LCLAT1: variants seen among roughly 807,000 people sequenced by gnomAD.
LCLAT1 encodes 1-AGP acyltransferase 8.
A neutral mutation model predicts 30.7 loss-of-function variants in LCLAT1; 11 were observed. The observed-to-expected ratio is 0.36, with a 90% CI of 0.23 to 0.59. The LOEUF (loss-of-function observed/expected upper bound fraction) is 0.59, where lower values mean the gene tolerates loss of function less well. Among genes scored for constraint, LCLAT1 ranks in the 20% least tolerant of loss-of-function variants. The pLI is 0.77. For synonymous variants in LCLAT1, 155 were observed against 151.3 expected (o/e 1.02, Z -0.18); for missense variants, 402 against 458.6 (o/e 0.88, Z 1.13).
Position 30,640,690 on chromosome 2 carries a change from T to A in LCLAT1, c.*71T>A, listed in dbSNP as rs2148541178. ...TGTTCTAAACCTTTCTAAGCTCAGA[T>A]GCATTTTTGCATGACTATGTCGAAT... On this transcript the variant is annotated 3_prime_UTR_variant, in exon 6 of 6. Coordinates refer to ENST00000379509, the MANE Select transcript of LCLAT1 (RefSeq NM_001002257.3). The A allele has an allele frequency of 3.4e-6, 5 of 1,491,760 alleles. No homozygotes were observed. In the South Asian group the frequency reaches 6.9e-5, roughly 21 times the overall value. 92.4% of individuals were successfully genotyped at this position (1,491,760 alleles called of 1,614,324 possible). A position where few individuals can be genotyped will look rare whatever the true frequency, so the allele number is the denominator to read the frequency against.
chr2:30,593,123 T>C (rs1024623663), intron 5 of LCLAT1, among the ~76,000 whole-genome samples: 1 of 152,178 alleles, frequency 6.6e-6, no homozygotes, highest in Non-Finnish European at 1.5e-5. Context: ...CTCCATGAGA[T>C]CCACTTTTTT....
intron 5 of LCLAT1, among the ~76,000 whole-genome samples, chr2:30,569,553 A>G (rs948598800): frequency 2.6e-5 from 4 of 152,202 alleles, no homozygotes; most frequent in Non-Finnish European, 4.4e-5. Flanking sequence ...ATATATTTTC[A>G]TAAAACTGTT....
intron 3 of LCLAT1, among the ~76,000 whole-genome samples, chr2:30,533,781 A>G (rs1041973308): frequency 6.6e-6 from 1 of 152,160 alleles, no homozygotes; most frequent in Non-Finnish European, 1.5e-5. Context: ...ACTTTTTTTA[A>G]AAAATGTTTT....
At chr2:30,611,364 A>G (rs981450822) in intron 5 of LCLAT1, among the ~76,000 whole-genome samples, 3 of 152,238 alleles carry the variant, frequency 2.0e-5, no homozygotes, top group East Asian at 3.9e-4. Context: ...AATCCCAGAG[A>G]ACAGAGAGTG....
intron 1 of LCLAT1, among the ~76,000 whole-genome samples, chr2:30,499,781 T>C (rs984043460): frequency 6.6e-6 from 1 of 152,234 alleles, no homozygotes; most frequent in Non-Finnish European, 1.5e-5. Context: ...CAAGTACCAA[T>C]TGCCTTTCTT....
chr2:30,594,670 AG>A (rs1390819775), intron 5 of LCLAT1, among the ~76,000 whole-genome samples: 1 of 152,194 alleles, frequency 6.6e-6, no homozygotes, highest in Non-Finnish European at 1.5e-5. Context: ...ATTATGTGGG[AG>A]GGTCTCTTAT....
intron 1 of LCLAT1, among the ~76,000 whole-genome samples, chr2:30,524,740 T>A (rs1685627200): frequency 1.2e-5 from 1 of 80,094 alleles, no homozygotes; most frequent in Admixed American, 1.8e-4. Context: ...TCAAGGAACC[T>A]TTATTTTACT....
intron 5 of LCLAT1, among the ~76,000 whole-genome samples, chr2:30,570,867 A>G (rs1263401749): frequency 1.3e-5 from 2 of 152,164 alleles, no homozygotes; most frequent in East Asian, 3.9e-4. Context: ...TGGGGAGTTG[A>G]GGGCAACTCT....
intron 5 of LCLAT1, among the ~76,000 whole-genome samples, chr2:30,592,455 G>T (rs1481875459): frequency 6.6e-6 from 1 of 152,086 alleles, no homozygotes; most frequent in East Asian, 1.9e-4. Flanking sequence ...CCATACTCCA[G>T]CCTGGGTGAC....
intron 1 of LCLAT1, among the ~76,000 whole-genome samples, chr2:30,473,079 G>A (rs530061929): frequency 1.3e-5 from 2 of 152,278 alleles, no homozygotes; most frequent in South Asian, 4.1e-4. Flanking sequence ...AGTCAGGAGA[G>A]AGATTTCCAT....
At chr2:30,479,504 C>T (rs1055071592) in intron 1 of LCLAT1, among the ~76,000 whole-genome samples, 3 of 152,122 alleles carry the variant, frequency 2.0e-5, no homozygotes, top group Non-Finnish European at 1.5e-5. Flanking sequence ...GCCTCAGCCT[C>T]GCAAAGTGCT....
In LCLAT1 at chr2:30,623,671, A is replaced by C. The variant is rs544008001; in HGVS notation, c.629-16446A>C. Among the ~76,000 whole-genome samples the C allele has an allele frequency of 2.0e-5, 3 of 152,316 alleles. No individual in the cohort carries two copies. The South Asian group carries it at 6.2e-4, about 32-fold the overall frequency. ...GGTGTTCCCAAGGAAGGGAAATCTA[A>C]AAGTTTGGAAAACATTTGAGGGAAT... is the stretch of plus-strand genomic sequence containing the variant. On this transcript the variant is annotated intron_variant, in intron 5 of 5. Coordinates refer to ENST00000379509, the MANE Select transcript of LCLAT1 (RefSeq NM_001002257.3).
intron 5 of LCLAT1, among the ~76,000 whole-genome samples, chr2:30,592,090 A>G (rs923638226): frequency 2.6e-5 from 4 of 152,156 alleles, no homozygotes; most frequent in African/African-American, 9.7e-5. Context: ...CACTCCATAT[A>G]TGTGAATGAA....
chr2:30,501,076 C>CTGTGTGTGTG (rs1553362946), intron 1 of LCLAT1, among the ~76,000 whole-genome samples: 3 of 146,496 alleles, frequency 2.0e-5, no homozygotes, highest in Admixed American at 6.8e-5. Context: ...TTGTTTTGTT[C>CTGTGTGTGTG]TGTGTGTGTG....
At chr2:30,532,496 A>G (rs1250428685) in intron 2 of LCLAT1, among the ~76,000 whole-genome samples, 1 of 152,146 alleles carries the variant, frequency 6.6e-6, no homozygotes, top group Non-Finnish European at 1.5e-5. Context: ...TTGTTTTTCT[A>G]AATACTTCAT....
At chr2:30,529,443 C>T (rs1042364508) in intron 2 of LCLAT1, among the ~76,000 whole-genome samples, 4 of 152,148 alleles carry the variant, frequency 2.6e-5, no homozygotes, top group South Asian at 2.1e-4. Context: ...TTCTATAATT[C>T]GGAGTGCATG....
At chr2:30,484,246 T>C (rs981736651) in intron 1 of LCLAT1, among the ~76,000 whole-genome samples, 2 of 152,158 alleles carry the variant, frequency 1.3e-5, no homozygotes, top group African/African-American at 4.8e-5. Context: ...TTACCATTCA[T>C]TGAGGATAAT....
chr2:30,496,587 G>T (rs1188669888), intron 1 of LCLAT1, among the ~76,000 whole-genome samples: 1 of 152,136 alleles, frequency 6.6e-6, no homozygotes, highest in Admixed American at 6.6e-5. Context: ...TTTCTTATAG[G>T]TTGCCAGAAA....
At chr2:30,532,027 GTTA>G (rs1212594204) in intron 2 of LCLAT1, among the ~76,000 whole-genome samples, 1 of 152,062 alleles carries the variant, frequency 6.6e-6, no homozygotes, top group Non-Finnish European at 1.5e-5. Flanking sequence ...TTTTAAGATA[GTTA>G]TTTTCTTCTT....
Sources: allele counts gnomAD v4.1 joint callset (sites outside exome capture counted in the v4.1 genomes callset), GRCh38; gene constraint gnomAD v4.1.1; transcripts MANE v1.5; gene names NCBI Gene and HGNC (gene_info 2026-07-23, HGNC 2026-07-21).